TLR7: variants seen among roughly 807,000 people sequenced by gnomAD.
The protein encoded by TLR7 is toll-like receptor 7.
A neutral mutation model predicts 38.3 loss-of-function variants in TLR7; 12 were observed. That is an observed-to-expected ratio of 0.31 (90% CI 0.20 to 0.51). TLR7 has a LOEUF of 0.51. Ranked by LOEUF, TLR7 falls within the 20% of genes least tolerant of loss-of-function variation. The pLI, the probability that TLR7 is intolerant of heterozygous loss-of-function variation, is 0.98. For missense variants in TLR7, 504 were observed against 743.4 expected, an observed-to-expected ratio of 0.68 and a Z score of 3.74; for synonymous variants, 285 against 293.8, an observed-to-expected ratio of 0.97 and a Z score of 0.31.
intron 2 of TLR7, among the ~76,000 whole-genome samples, chrX:12,873,575 A>G (rs986444768): frequency 2.7e-5 from 3 of 111,914 alleles, no homozygotes; most frequent in Non-Finnish European, 5.6e-5. Context: ...AGTTTTAATA[A>G]AAAACAATAC....
rs145769543 is a variant in TLR7 at position 12,877,421 on chromosome X, A to G, written c.4-8091A>G. ...ATTTTTCTCCCTCACCTGCTTGATC[A>G]GAGCCCAACTTTCTCATTGCAGTTA... On this transcript the variant is annotated intron_variant, in intron 2 of 2. Transcript: ENST00000380659. 73 of 108,017 alleles carry G rather than the reference A, an allele frequency of 6.8e-4. 1 individual carries two copies. Among genetic ancestry groups the G allele is most frequent in the African/African-American group, 2.4e-3 (72 of 29,546 alleles). The allele number at this position is 108,017 out of a possible 1,213,427, so 8.9% of individuals were successfully genotyped here. A position where few individuals can be genotyped will look rare whatever the true frequency, so the allele number is the denominator to read the frequency against.
rs2042914954 is a variant in TLR7, at chrX:12,887,297, G to A, written c.1789G>A (p.Val597Ile). 1 of 1,211,684 alleles carries A rather than the reference G, an allele frequency of 8.3e-7. No homozygotes were observed. The highest frequency in any genetic ancestry group is 1.1e-6 in the Non-Finnish European group (1 of 895,451). ...GCTAAACTTTACCAAGAACCTAAAG[G>A]TTCTGCAGAAACTGATGATGAACGA... ...HMLNFTKNLK[V>I]LQKLMMNDND... The change falls in exon 3 of 3, where the codon GTT becomes ATT. Residue 597 changes from valine (V) to isoleucine (I), a missense_variant. Val to Ile is a conservative substitution (Grantham distance 29). Transcript: ENST00000380659.
chrX:12,875,440 C>T (rs2042867033), intron 2 of TLR7, among the ~76,000 whole-genome samples: 1 of 112,102 alleles, frequency 8.9e-6, no homozygotes, highest in Admixed American at 9.4e-5. Context: ...GGAGACAAAG[C>T]TCAATGAGGC....
intron 2 of TLR7, among the ~76,000 whole-genome samples, chrX:12,877,985 T>C (rs1425767210): frequency 8.9e-6 from 1 of 112,065 alleles, no homozygotes; most frequent in Non-Finnish European, 1.9e-5. Context: ...GCGGGCATCC[T>C]AATGATGGAG....
At chrX:12,871,243 A>G (rs980275235) in intron 2 of TLR7, among the ~76,000 whole-genome samples, 1 of 112,067 alleles carries the variant, frequency 8.9e-6, no homozygotes, top group Non-Finnish European at 1.9e-5. Flanking sequence ...ATATTTCAAA[A>G]TTCACAAATA....
chrX:12,867,993 A>G (rs1441404719), intron 2 of TLR7, among the ~76,000 whole-genome samples: 1 of 112,673 alleles, frequency 8.9e-6, no homozygotes, highest in Non-Finnish European at 1.9e-5. Context: ...GGCTCATAGC[A>G]ATAAAATACG....
At position 12,886,883 on chromosome X, in the gene TLR7, G is replaced by A; in HGVS notation, c.1375G>A (p.Val459Ile). 2 of 1,207,578 alleles carry A rather than the reference G, an allele frequency of 1.7e-6. No homozygotes were observed. The highest frequency in any genetic ancestry group is 2.2e-6 in the Non-Finnish European group (2 of 893,311). Residue 459 changes from valine to isoleucine, a missense_variant, in exon 3 of 3, where the codon GTC becomes ATC. Physicochemically the swap from Val to Ile is conservative, Grantham distance 29. Transcript: ENST00000380659. ...TTCTGTAGAAAGTTATGAACCCCAG[G>A]TCCTGGAACAATTACATTATTTCAG... ...RTSVESYEPQ[V>I]LEQLHYFRYD...
At chrX:12,877,075 C>A (rs1355167049) in intron 2 of TLR7, among the ~76,000 whole-genome samples, 1 of 112,100 alleles carries the variant, frequency 8.9e-6, no homozygotes, top group Non-Finnish European at 1.9e-5. Context: ...AGGTAGTTTC[C>A]AATGGCTTGA....
Position 12,867,532 on chromosome X carries a change from C to T in TLR7, c.-47C>T. ...TGATCTTGGCACCTCTCATGCTCTG[C>T]TCTCTTCAACCAGACCTCTACATTC... On this transcript the variant is annotated 5_prime_UTR_variant, in exon 2 of 3. Coordinates refer to ENST00000380659, the MANE Select transcript of TLR7 (RefSeq NM_016562.4). 3 of 1,192,924 alleles carry T rather than the reference C, an allele frequency of 2.5e-6. No homozygotes were observed. The highest frequency in any genetic ancestry group is 3.4e-6 in the Non-Finnish European group (3 of 879,321).
Position 12,886,747 on chromosome X carries a change from C to T in TLR7, c.1239C>T (p.Asn413=), listed in dbSNP as rs768595150. Residue 413 remains asparagine (N), a synonymous_variant, in exon 3 of 3, where the codon AAC becomes AAT. Coordinates refer to ENST00000380659, the MANE Select transcript of TLR7 (RefSeq NM_016562.4). ...GCACTAACTTTATAAAAATTGCTAA[C>T]CTCAGCATGTTTAAACAATTTAAAA... is the stretch of plus-strand genomic sequence containing the variant. ...DLGTNFIKIA[N]LSMFKQFKRL... 5.0e-6 allele frequency: 6 copies of T among 1,209,002 alleles called. No homozygotes were observed. The East Asian group carries it at 1.2e-4, about 24-fold the overall frequency.
chrX:12,884,181 A>G (rs2042902304), intron 2 of TLR7, among the ~76,000 whole-genome samples: 1 of 111,265 alleles, frequency 9.0e-6, no homozygotes, highest in South Asian at 3.8e-4. Flanking sequence ...GTCTCACGCT[A>G]TGTTGCCCAG....
chrX:12,888,392 G>A lies in TLR7; in HGVS notation c.2884G>A (p.Ala962Thr), dbSNP rs1420769768. The A allele has an allele frequency of 8.3e-7, 1 of 1,212,023 alleles. No individual in the cohort carries two copies. The highest frequency in any genetic ancestry group is 1.1e-6 in the Non-Finnish European group (1 of 895,554). ...KTVFVMTDKY[A>T]KTENFKIAFY... ...AGTGTTTGTGATGACAGACAAGTAT[G>A]CAAAGACTGAAAATTTTAAGATAGC... The change falls in exon 3 of 3, where the codon GCA becomes ACA. Residue 962 changes from alanine to threonine, a missense_variant. Transcript: ENST00000380659.
At chrX:12,868,911 C>G (rs1364752936) in intron 2 of TLR7, among the ~76,000 whole-genome samples, 6 of 111,947 alleles carry the variant, frequency 5.4e-5, no homozygotes, top group Admixed American at 9.5e-5. Context: ...TGTCTTTGCC[C>G]CTTGATGGGT....
chrX:12,888,635 C>A lies in TLR7; in HGVS notation c.3127C>A (p.Gln1043Lys), dbSNP rs200611558. The A allele has an allele frequency of 6.6e-6, 8 of 1,205,068 alleles. No individual in the cohort carries two copies. The highest frequency in any genetic ancestry group is 9.0e-6 in the Non-Finnish European group (8 of 892,350). The change falls in exon 3 of 3, where the codon CAG (glutamine) becomes AAG (lysine). Residue 1043 changes from glutamine (Q) to lysine (K), a missense_variant. Gln to Lys is a moderately conservative substitution (Grantham distance 53). Transcript: ENST00000380659. ...LATDNHVAYS[Q>K]VFKETV ...CACAGACAATCATGTGGCCTATAGT[C>A]AGGTGTTCAAGGAAACGGTCTAGCC...
Position 12,886,010 on chromosome X carries a change from C to T in TLR7, c.502C>T (p.Leu168=). 8.3e-7 allele frequency: 1 copy of T among 1,211,934 alleles called. No individual in the cohort carries two copies. The highest frequency in any genetic ancestry group is 1.1e-6 in the Non-Finnish European group (1 of 895,549). Residue 168 remains leucine, a synonymous_variant, in exon 3 of 3, where the codon CTA becomes TTA. Transcript: ENST00000380659. ...CATCTTTTCCATCAGAAAAGAGAAT[C>T]TAACAGAACTGGCCAACATAGAAAT... ...NNIFSIRKEN[L]TELANIEILY...
chrX:12,880,651 T>C (rs1447294890), intron 2 of TLR7, among the ~76,000 whole-genome samples: 1 of 111,551 alleles, frequency 9.0e-6, no homozygotes, highest in Non-Finnish European at 1.9e-5. Context: ...TACTTCACGA[T>C]TCATATATGC....
chrX:12,885,226 T>C (rs1301477706), intron 2 of TLR7, among the ~76,000 whole-genome samples: 1 of 112,481 alleles, frequency 8.9e-6, no homozygotes, highest in Admixed American at 9.4e-5. Flanking sequence ...TCTGCAATTT[T>C]AGTGTTCCAT....
chrX:12,877,028 G>A (rs1179435837), intron 2 of TLR7, among the ~76,000 whole-genome samples: 1 of 111,776 alleles, frequency 8.9e-6, no homozygotes, highest in Non-Finnish European at 1.9e-5. Flanking sequence ...TCAAAATAAC[G>A]ATAGTTGAAG....
intron 2 of TLR7, among the ~76,000 whole-genome samples, chrX:12,877,206 A>T (rs1634321): frequency 0.14 from 15,955 of 111,477 alleles, 1,141 homozygotes; most frequent in African/African-American, 0.28. Flanking sequence ...CAGATTTAGA[A>T]GCACTTTGTT....
Sources: gnomAD v4.1 joint callset for allele counts (sites outside exome capture counted in the v4.1 genomes callset) on GRCh38, gnomAD v4.1.1 for gene constraint, MANE v1.5 for transcripts, NCBI Gene and HGNC (gene_info 2026-07-23, HGNC 2026-07-21) for gene names.